OPCML: variants seen among roughly 807,000 people sequenced by gnomAD.
OPCML encodes the protein opioid binding protein/cell adhesion molecule like, also known as opioid-binding protein/cell adhesion molecule.
OPCML carries 13 observed loss-of-function variants against 37.8 expected under a neutral mutation model. That is an observed-to-expected ratio of 0.34 (90% CI 0.22 to 0.55). The LOEUF (loss-of-function observed/expected upper bound fraction) is 0.55, where lower values mean the gene tolerates loss of function less well. Ranked by LOEUF, OPCML falls within the 20% of genes least tolerant of loss-of-function variation. The probability of loss-of-function intolerance (pLI) is 0.91; values close to 1 mark genes in which losing one functional copy is unlikely to be tolerated. For missense variants in OPCML, 341 were observed against 435.6 expected (o/e 0.78, Z 1.93); for synonymous variants, 176 against 168.8 (o/e 1.04, Z -0.33).
chr11:132,597,278 AAT>A (rs1197514978), intron 3 of OPCML, among the ~76,000 whole-genome samples: 3 of 152,230 alleles, frequency 2.0e-5, no homozygotes, highest in Non-Finnish European at 4.4e-5. Context: ...AAAGGTATTA[AAT>A]AATGAAGACA....
At chr11:132,937,464 T>C (rs892023854) in intron 2 of OPCML, among the ~76,000 whole-genome samples, 1 of 150,776 alleles carries the variant, frequency 6.6e-6, no homozygotes, top group Non-Finnish European at 1.5e-5. Context: ...CACAGCCTGC[T>C]TCAAACAGGG....
In OPCML at chr11:133,205,475, C is replaced by A. The variant is rs1939024134; in HGVS notation, c.62-262465G>T. Among the ~76,000 whole-genome samples, 1 of 152,170 alleles carries A rather than the reference C, an allele frequency of 6.6e-6. No homozygotes were observed. The highest frequency in any genetic ancestry group is 2.1e-4 in the South Asian group (1 of 4,832). Reference sequence around the variant, plus strand: ...GGAACGCTGATCAGCAGCACTGGTCCCAACCCAGGGCTTGCACCTAGCACC... The same window carrying A: ...GGAACGCTGATCAGCAGCACTGGTCACAACCCAGGGCTTGCACCTAGCACC... On this transcript the variant is annotated intron_variant, in intron 1 of 7. Coordinates refer to ENST00000524381, the MANE Select transcript of OPCML (RefSeq NM_001012393.5). The surrounding 1 kb of genome is among the most constrained non-coding windows in gnomAD (Gnocchi z 4.8).
At chr11:133,195,963 C>T (rs1938522229) in intron 1 of OPCML, among the ~76,000 whole-genome samples, 1 of 152,164 alleles carries the variant, frequency 6.6e-6, no homozygotes, top group Admixed American at 6.5e-5. Context: ...CCAAATGCTT[C>T]CTTGAGCTTA....
intron 2 of OPCML, among the ~76,000 whole-genome samples, chr11:132,695,530 G>T (rs1029768361): frequency 1.3e-5 from 2 of 152,162 alleles, no homozygotes; most frequent in African/African-American, 4.8e-5. Context: ...ATGCTGAGGG[G>T]TTTCATGACC....
At chr11:132,611,900 A>G (rs1938665328) in intron 3 of OPCML, among the ~76,000 whole-genome samples, 1 of 152,094 alleles carries the variant, frequency 6.6e-6, no homozygotes, top group African/African-American at 2.4e-5. Context: ...AACCTTGATG[A>G]GGTGGTCACC....
intron 3 of OPCML, among the ~76,000 whole-genome samples, chr11:132,638,767 C>T (rs931194272): frequency 1.3e-5 from 2 of 152,068 alleles, no homozygotes; most frequent in African/African-American, 4.8e-5. Context: ...GATTTCATTC[C>T]CAACCAACCA....
intron 1 of OPCML, among the ~76,000 whole-genome samples, chr11:133,132,822 A>C (rs1439587670): frequency 6.6e-6 from 1 of 151,298 alleles, no homozygotes; most frequent in Admixed American, 6.6e-5. Context: ...CTGTGATAGA[A>C]GCGATCAGTA....
At chr11:132,435,320 A>T in intron 7 of OPCML, 1 of 1,101,442 alleles carries the variant, frequency 9.1e-7, no homozygotes, top group Non-Finnish European at 1.2e-6. Flanking sequence ...TGCACGTGGA[A>T]ACGTGGATAC....
chr11:132,460,486 C>A (rs1358495681), intron 4 of OPCML, among the ~76,000 whole-genome samples: 4 of 152,104 alleles, frequency 2.6e-5, no homozygotes, highest in Admixed American at 6.5e-5. Context: ...CTTTGAGAAC[C>A]ATTGCCAAAG....
At chr11:133,093,189 G>A (rs542332713) in intron 1 of OPCML, among the ~76,000 whole-genome samples, 45 of 152,074 alleles carry the variant, frequency 3.0e-4, no homozygotes, top group African/African-American at 1.0e-3. Flanking sequence ...AGTGTACCCT[G>A]TACCCAATGT....
At chr11:133,497,790 G>A (rs1275407116) in intron 1 of OPCML, among the ~76,000 whole-genome samples, 1 of 152,196 alleles carries the variant, frequency 6.6e-6, no homozygotes, top group Admixed American at 6.5e-5. Context: ...TGTCTTAGAA[G>A]GAAGAGGCTA....
At chr11:132,792,030 G>A (rs1484695595) in intron 2 of OPCML, among the ~76,000 whole-genome samples, 1 of 152,218 alleles carries the variant, frequency 6.6e-6, no homozygotes, top group Non-Finnish European at 1.5e-5. Flanking sequence ...GCATCCAAAT[G>A]TCCCCTCATC....
chr11:132,828,961 T>G (rs1940526848), intron 2 of OPCML, among the ~76,000 whole-genome samples: 1 of 152,186 alleles, frequency 6.6e-6, no homozygotes, highest in Non-Finnish European at 1.5e-5. Context: ...TATTCTCCTT[T>G]GAAAGATAGC....
chr11:133,141,030 C>A (rs1399129299), intron 1 of OPCML, among the ~76,000 whole-genome samples: 219 of 7,306 alleles, frequency 0.03, 56 homozygotes, highest in African/African-American at 0.046. Flanking sequence ...ACGACGACGA[C>A]GACGACGACG....
chr11:133,364,569 C>T (rs7118128), intron 1 of OPCML, among the ~76,000 whole-genome samples: 55,775 of 152,042 alleles, frequency 0.37, 11,977 homozygotes, highest in East Asian at 0.66. Context: ...ATTACTTAGC[C>T]TCAGACTGGG....
At chr11:132,796,137 A>G (rs1938294855) in intron 2 of OPCML, among the ~76,000 whole-genome samples, 1 of 152,234 alleles carries the variant, frequency 6.6e-6, no homozygotes, top group South Asian at 2.1e-4. Context: ...GCCATTTTAT[A>G]TCAAGAACTT....
intron 1 of OPCML, among the ~76,000 whole-genome samples, chr11:133,116,065 G>T (rs1949328956): frequency 6.6e-6 from 1 of 152,114 alleles, no homozygotes; most frequent in South Asian, 2.1e-4. Flanking sequence ...TGCCTCTGGG[G>T]TTCAAGCAGC....
At chr11:132,515,229 TCTCAC>T (rs2096277105) in intron 4 of OPCML, among the ~76,000 whole-genome samples, 1 of 152,108 alleles carries the variant, frequency 6.6e-6, no homozygotes, top group Non-Finnish European at 1.5e-5. Context: ...GGAGGATTAC[TCTCAC>T]CATTAAGGGA....
intron 1 of OPCML, among the ~76,000 whole-genome samples, chr11:133,306,058 C>T (rs73600487): frequency 0.05 from 7,627 of 152,200 alleles, 216 homozygotes; most frequent in Middle Eastern, 0.082. Context: ...ATTAGAAGTA[C>T]TTTTCTATTA....
Sources: gnomAD v4.1 joint callset for allele counts (sites outside exome capture counted in the v4.1 genomes callset) on GRCh38, gnomAD v4.1.1 for gene constraint, Gnocchi (gnomAD v3.1) non-coding constraint, MANE v1.5 for transcripts, NCBI Gene and HGNC (gene_info 2026-07-23, HGNC 2026-07-21) for gene names.